EYS: variants seen among roughly 807,000 people sequenced by gnomAD.
The protein encoded by EYS is EGF-like photoreceptor maintenance factor.
A neutral mutation model predicts 282.1 loss-of-function variants in EYS; 250 were observed. The ratio of observed to expected loss-of-function variants is 0.89; its 90% CI spans 0.80 to 0.98. The LOEUF (loss-of-function observed/expected upper bound fraction) is 0.98. Among genes scored for constraint, EYS ranks in the 50% least tolerant of loss-of-function variants. EYS has a pLI of 0.00. For synonymous variants in EYS, 1,355 were observed against 1,282.9 expected (o/e 1.06, Z -1.20); for missense variants, 4,016 against 3,709.0 (o/e 1.08, Z -2.15).
At chr6:64,976,863 C>T (rs927211849) in intron 14 of EYS, among the ~76,000 whole-genome samples, 1 of 151,552 alleles carries the variant, frequency 6.6e-6, no homozygotes, top group Admixed American at 6.6e-5. Context: ...TGTGGGAATC[C>T]TGTATCAAAT....
chr6:64,972,416 T>C (rs1055850523), intron 14 of EYS, among the ~76,000 whole-genome samples: 19 of 152,076 alleles, frequency 1.2e-4, no homozygotes, highest in Non-Finnish European at 4.4e-5. Flanking sequence ...AGAATGTGTC[T>C]CTCTCCTGCC....
chr6:64,797,795 C>T (rs1257618329), intron 22 of EYS, among the ~76,000 whole-genome samples: 2 of 151,866 alleles, frequency 1.3e-5, no homozygotes, highest in Non-Finnish European at 2.9e-5. Context: ...TCTCCTAATC[C>T]TCCATGTAAA....
At chr6:64,685,509 G>T (rs1415849453) in intron 22 of EYS, among the ~76,000 whole-genome samples, 3 of 152,090 alleles carry the variant, frequency 2.0e-5, no homozygotes, top group Admixed American at 6.5e-5. Context: ...CAACTCTGTA[G>T]TTTCCAGGAG....
intron 26 of EYS, among the ~76,000 whole-genome samples, chr6:64,452,213 AACAG>A (rs1158926896): frequency 1.3e-5 from 2 of 152,152 alleles, no homozygotes; most frequent in Non-Finnish European, 2.9e-5. Context: ...ATACACCAAT[AACAG>A]ACAAACAGAG....
At chr6:65,489,433 C>T (rs1765941529) in intron 5 of EYS, 1 of 152,182 alleles carries the variant, frequency 6.6e-6, no homozygotes, top group Non-Finnish European at 1.5e-5. Flanking sequence ...GAGATACCAT[C>T]TTATGCCATT....
At chr6:64,766,649 A>AAAATAT (rs1387919586) in intron 22 of EYS, among the ~76,000 whole-genome samples, 5 of 19,068 alleles carry the variant, frequency 2.6e-4, no homozygotes, top group Admixed American at 9.6e-4. Flanking sequence ...AAAAAAAAAA[A>AAAATAT]ATATATATAT....
chr6:63,958,196 T>C (rs6913920), intron 35 of EYS, among the ~76,000 whole-genome samples: 14,477 of 140,590 alleles, frequency 0.1, 2,447 homozygotes, highest in African/African-American at 0.24. Flanking sequence ...TCCAGACCTA[T>C]GTTAGGTGTT....
intron 26 of EYS, among the ~76,000 whole-genome samples, chr6:64,523,981 G>A (rs1356247591): frequency 6.6e-6 from 1 of 151,548 alleles, no homozygotes; most frequent in Non-Finnish European, 1.5e-5. Context: ...TATAACTTCT[G>A]ATTTTCCAGT....
intron 19 of EYS, among the ~76,000 whole-genome samples, chr6:64,873,659 A>T (rs1053858878): frequency 9.2e-5 from 14 of 152,108 alleles, no homozygotes; most frequent in African/African-American, 3.1e-4. Context: ...TATTGCATAT[A>T]TCAAAATTGC....
At chr6:64,636,655 C>G (rs1347917234) in intron 22 of EYS, among the ~76,000 whole-genome samples, 1 of 152,058 alleles carries the variant, frequency 6.6e-6, no homozygotes, top group East Asian at 1.9e-4. Flanking sequence ...GAACAGGCAA[C>G]CTACAGAATG....
intron 13 of EYS, among the ~76,000 whole-genome samples, chr6:65,004,443 G>A (rs145146789): frequency 2.9e-4 from 43 of 147,534 alleles, no homozygotes; most frequent in African/African-American, 8.7e-4. Flanking sequence ...AATTGCAGCC[G>A]CTGAAGGAAC....
intron 31 of EYS, among the ~76,000 whole-genome samples, chr6:64,187,402 T>G (rs1764979657): frequency 6.6e-6 from 1 of 152,162 alleles, no homozygotes; most frequent in Non-Finnish European, 1.5e-5. Flanking sequence ...GTATCTATTC[T>G]AGAGAAATCA....
rs373479571 is a variant in EYS, at chr6:65,648,314, A to ATATGTGTGTGTGTGTGTGTG, written c.-447-8423_-447-8422insCACACACACACACACACATA. Among the ~76,000 whole-genome samples the ATATGTGTGTGTGTGTGTGTG allele has an allele frequency of 3.8e-3, 559 of 147,868 alleles. 6 individuals are homozygous for ATATGTGTGTGTGTGTGTGTG. The highest frequency in any genetic ancestry group is 0.022 in the East Asian group (109 of 4,862). ...ATCAATGAGTGGATAAAGAAAATAT[A>ATATGTGTGTGTGTGTGTGTG]TGTGTGTGTGTGTGTGTGTGTGTGT... is the stretch of plus-strand genomic sequence containing the variant. On this transcript the variant is annotated intron_variant, in intron 1 of 42. Transcript: ENST00000503581.
rs36088825 is a variant in EYS at position 65,654,978 on chromosome 6, T to TAAA, written c.-447-15089_-447-15087dup. Among the ~76,000 whole-genome samples the TAAA allele has an allele frequency of 1.4e-3, 144 of 99,876 alleles. 2 individuals are homozygous for TAAA. Among genetic ancestry groups the TAAA allele is most frequent in the African/African-American group, 5.1e-3 (133 of 25,940 alleles). The allele number at this position is 99,876 out of a possible 152,430, so 65.5% of individuals were successfully genotyped here. A position where few individuals can be genotyped will look rare whatever the true frequency, so the allele number is the denominator to read the frequency against. On this transcript the variant is annotated intron_variant, in intron 1 of 42. Coordinates refer to ENST00000503581, the MANE Select transcript of EYS (RefSeq NM_001142800.2). The stretch of plus-strand genomic sequence containing the variant: ...TTCCTGAAGAGTCTGGGTCATTCAT[T>TAAA]AAAAAAAAAAAAAAAAAAAAAAATG...
chr6:64,686,269 C>T (rs957548617), intron 22 of EYS, among the ~76,000 whole-genome samples: 1 of 151,626 alleles, frequency 6.6e-6, no homozygotes, highest in African/African-American at 2.4e-5. Flanking sequence ...GAAGTAAATA[C>T]ACATCAGCAA....
intron 19 of EYS, among the ~76,000 whole-genome samples, chr6:64,847,347 A>T (rs1765747918): frequency 6.6e-6 from 1 of 152,026 alleles, no homozygotes; most frequent in Non-Finnish European, 1.5e-5. Flanking sequence ...TACAGATTAA[A>T]TGTTAATGCC....
At chr6:65,405,509 G>A in intron 5 of EYS, 142 bp from the exon 6 acceptor site, 3 of 690,678 alleles carry the variant, frequency 4.3e-6, no homozygotes, top group Non-Finnish European at 7.3e-6. Context: ...TGCAGTGTAA[G>A]TTATATATTA....
At chr6:64,667,514 T>A (rs1769275022) in intron 22 of EYS, among the ~76,000 whole-genome samples, 1 of 145,872 alleles carries the variant, frequency 6.9e-6, no homozygotes, top group Non-Finnish European at 1.5e-5. Context: ...AACTTATGAC[T>A]TTTTTTTTTG....
In EYS at chr6:63,864,227, C is replaced by G. The variant is rs1395608434; in HGVS notation, c.7187G>C (p.Cys2396Ser). The change falls in exon 36 of 43, where the codon TGC becomes TCC. Residue 2396 changes from cysteine (C) to serine (S), a missense_variant. Transcript: ENST00000503581. Reference protein sequence around the residue: ...CVPKSGTDIVCLCPYGRSGPL... With the variant: ...CVPKSGTDIVSLCPYGRSGPL... ...TCCAGACCTCCCATATGGGCAGAGG[C>G]AGACAATATCTGTTCCGGATTTTGG... The G allele has an allele frequency of 1.2e-5, 19 of 1,549,380 alleles. 1 individual carries two copies. The South Asian group carries it at 2.1e-4, about 18-fold the overall frequency.
Sources: allele counts gnomAD v4.1 joint callset (sites outside exome capture counted in the v4.1 genomes callset), GRCh38; gene constraint gnomAD v4.1.1; transcripts MANE v1.5; gene names NCBI Gene and HGNC (gene_info 2026-07-23, HGNC 2026-07-21).